The following TUBGCP2 variants were observed in gnomAD, a reference collection of about 807,000 sequenced individuals.
The protein encoded by TUBGCP2 is tubulin gamma complex component 2, also known as gamma-tubulin complex component 2.
A neutral mutation model predicts 92.2 loss-of-function variants in TUBGCP2; 55 were observed. The observed-to-expected ratio is 0.60, with a 90% CI of 0.48 to 0.75. The LOEUF (loss-of-function observed/expected upper bound fraction) is 0.75, where lower values mean the gene tolerates loss of function less well. TUBGCP2 is among the 30% of genes least tolerant of loss of function. TUBGCP2 has a pLI of 0.00. For synonymous variants in TUBGCP2, 533 were observed against 505.2 expected (o/e 1.06, Z -0.74); for missense variants, 1,093 against 1,188.9 (o/e 0.92, Z 1.19).
chr10:133,310,630 C>T (rs1335945824), upstream of TUBGCP2: 4 of 334,406 alleles, frequency 1.2e-5, no homozygotes, highest in Non-Finnish European at 2.3e-5. Context: ...CATCCGCACT[C>T]ACACCCCTCG....
upstream of TUBGCP2, chr10:133,309,861 C>T (rs755955228): frequency 2.5e-6 from 4 of 1,613,846 alleles, no homozygotes; most frequent in South Asian, 3.3e-5. Context: ...CCACACGCTG[C>T]ACGGAAATGT....
rs71016439 is a variant in TUBGCP2, at chr10:133,301,700, C to CTTTTTTTTTTTTTTTTTTTTTTTT, written c.150+1068_150+1091dup. 6 of 87,254 alleles carry CTTTTTTTTTTTTTTTTTTTTTTTT rather than the reference C, an allele frequency of 6.9e-5. 2 individuals carry two copies. Among genetic ancestry groups the CTTTTTTTTTTTTTTTTTTTTTTTT allele is most frequent in the African/African-American group, 3.0e-4 (6 of 19,866 alleles). 5.4% of individuals were successfully genotyped at this position (87,254 alleles called of 1,614,324 possible). ...CAACATGGTTAATACCAGTCCCTCCCTTTTTTTTTTTTTTTTTTTTTTTTT... is the reference window on the plus strand; with the variant it reads ...CAACATGGTTAATACCAGTCCCTCCCTTTTTTTTTTTTTTTTTTTTTTTTTTTTTTTTTTTTTTTTTTTTTTTTT... On this transcript the variant is annotated intron_variant, in intron 2 of 17. Coordinates refer to ENST00000252936, the MANE Select transcript of TUBGCP2 (RefSeq NM_006659.4).
At chr10:133,309,802 C>T (rs1307047357), upstream of TUBGCP2, 3 of 1,613,342 alleles carry the variant, frequency 1.9e-6, no homozygotes, top group Non-Finnish European at 2.5e-6. Flanking sequence ...TGCCAGGTGG[C>T]CGGCTGCTGC....
rs1224304976 is a variant in TUBGCP2, at chr10:133,285,625, C to T, written c.1726G>A (p.Asp576Asn). 6.0e-6 allele frequency: 9 copies of T among 1,509,558 alleles called. No homozygotes were observed. Among genetic ancestry groups the T allele is most frequent in the African/African-American group, 2.8e-5 (2 of 71,598 alleles). The allele number at this position is 1,509,558 out of a possible 1,614,324, so 93.5% of individuals were successfully genotyped here. The change falls in exon 12 of 18, where the codon GAC (aspartate) becomes AAC (asparagine). Residue 576 changes from aspartate (D) to asparagine (N), a missense_variant. Physicochemically the swap from Asp to Asn is conservative, Grantham distance 23. Transcript: ENST00000252936. This position sits in a 1 kb window ranked among gnomAD's most constrained non-coding sequence, Gnocchi z 6.8. ...GTGATGAGGTCATGGGGCATCAGGT[C>T]GATCTTGGAGGGAAGGAAATGAAAC... is the stretch of plus-strand genomic sequence containing the variant. ...TDPFKDDLKI[D>N]LMPHDLITQL... is the part of the protein sequence containing the mutation.
intron 11 of TUBGCP2, 57 bp downstream of exon 11, chr10:133,288,072 C>G: frequency 6.4e-7 from 1 of 1,564,460 alleles, no homozygotes; most frequent in Non-Finnish European, 8.7e-7. Flanking sequence ...CTGTGCTCTC[C>G]TCCCAGCCCC....
At chr10:133,286,115 A>G (rs565307379) in intron 11 of TUBGCP2, among the ~76,000 whole-genome samples, 2 of 152,176 alleles carry the variant, frequency 1.3e-5, no homozygotes, top group Admixed American at 6.5e-5. Flanking sequence ...ACGACAGGAC[A>G]GGAAATGAAG....
Position 133,285,105 on chromosome 10 carries a change from G to C in TUBGCP2, c.2004C>G (p.His668Gln). ...VWISNKTAKQHSLHSAQWFAG... is the reference protein window; with the variant it reads ...VWISNKTAKQQSLHSAQWFAG... ...CGCACCACTGGGCGGAGTGCAGCGA[G>C]TGCTGCTTGGCGGTTTTGTTGCTGA... Residue 668 changes from histidine to glutamine, a missense_variant, in exon 13 of 18, where the codon CAC (histidine) becomes CAG (glutamine). By Grantham distance (24) the His-to-Gln change is conservative. This residue lies in a region of TUBGCP2 where 598 missense variants were observed against 675.5 expected (regional missense o/e 0.89). Coordinates refer to ENST00000252936, the MANE Select transcript of TUBGCP2 (RefSeq NM_006659.4). This position sits in a 1 kb window ranked among gnomAD's most constrained non-coding sequence, Gnocchi z 6.8. The C allele has an allele frequency of 6.2e-7, 1 of 1,609,632 alleles. No homozygotes were observed. Among genetic ancestry groups the C allele is most frequent in the Non-Finnish European group, 8.5e-7 (1 of 1,176,840 alleles).
Position 133,285,748 on chromosome 10 carries a change from T to G in TUBGCP2, c.1723-120A>C, listed in dbSNP as rs1847121539. On this transcript the variant is annotated intron_variant, in intron 11 of 17. Transcript: ENST00000252936. This position sits in a 1 kb window ranked among gnomAD's most constrained non-coding sequence, Gnocchi z 6.8. The stretch of plus-strand genomic sequence containing the variant: ...GACGTAAGGTTCCCTACATTCCGAT[T>G]CTAAATATCAGAGGCTTTTCAAAAA... The G allele has an allele frequency of 4.7e-5, 46 of 978,436 alleles. 1 individual carries two copies. In the South Asian group the frequency reaches 1.3e-3, roughly 27 times the overall value. The allele number at this position is 978,436 out of a possible 1,614,324, so 60.6% of individuals were successfully genotyped here.
chr10:133,303,492 C>T (rs376619229), intron 1 of TUBGCP2, among the ~76,000 whole-genome samples: 10 of 152,234 alleles, frequency 6.6e-5, no homozygotes, highest in Admixed American at 2.6e-4. Context: ...CTCTGCTGCT[C>T]GCCTCGGCTT....
chr10:133,306,191 A>C (rs72864797), intron 1 of TUBGCP2, among the ~76,000 whole-genome samples: 2,905 of 152,284 alleles, frequency 0.019, 32 homozygotes, highest in Non-Finnish European at 0.026. Flanking sequence ...ATCTTAAACT[A>C]CCAGATGCTT....
At position 133,294,098 on chromosome 10, in the gene TUBGCP2, A is replaced by G. The variant is rs369692232; in HGVS notation, c.617-329T>C. On this transcript the variant is annotated intron_variant, in intron 5 of 17. Coordinates refer to ENST00000252936, the MANE Select transcript of TUBGCP2 (RefSeq NM_006659.4). ...CTCCAGCAGAAGCTGCACTTTCAAC[A>G]TTGGTAAGTACAACTTGGTAAGTCT... Among the ~76,000 whole-genome samples, 9 of 152,396 alleles carry G rather than the reference A, an allele frequency of 5.9e-5. No individual in the cohort carries two copies. The South Asian group carries it at 1.9e-3, about 32-fold the overall frequency.
At chr10:133,310,289 G>A (rs773215223), upstream of TUBGCP2, 1 of 1,613,876 alleles carries the variant, frequency 6.2e-7, no homozygotes. Context: ...AAAGCAGAAG[G>A]TAGGGAGCCG....
At chr10:133,310,369 C>G (rs1847963704), upstream of TUBGCP2, 1 of 1,567,018 alleles carries the variant, frequency 6.4e-7, no homozygotes, top group East Asian at 2.2e-5. Flanking sequence ...CATAGACGGT[C>G]AGACTTATTA....
upstream of TUBGCP2, chr10:133,311,531 C>T (rs866862601): frequency 1.0e-5 from 6 of 582,148 alleles, 1 homozygote; most frequent in South Asian, 4.4e-5. Context: ...AAACAATGGC[C>T]TTGCTGTAAT....
chr10:133,296,776 G>GGGAA (rs1847497663), intron 5 of TUBGCP2, among the ~76,000 whole-genome samples: 1 of 152,098 alleles, frequency 6.6e-6, no homozygotes, highest in African/African-American at 2.4e-5. Context: ...ATGCCTGGCC[G>GGGAA]AAGTAGACTG....
chr10:133,308,896 G>A (rs1485218961), upstream of TUBGCP2: 1 of 1,204,006 alleles, frequency 8.3e-7, no homozygotes. Flanking sequence ...CGTCCGGCTC[G>A]GCTCGCGGAC....
Position 133,285,274 on chromosome 10 carries a change from G to T in TUBGCP2, c.1896-61C>A. 3.1e-6 allele frequency: 5 copies of T among 1,605,006 alleles called. No individual in the cohort carries two copies. The highest frequency in any genetic ancestry group is 3.4e-6 in the Non-Finnish European group (4 of 1,179,204). ...CGTGACCGGCGGCGTCGTGGACACG[G>T]CGTCTGTACTCCACAGTCCGCACCG... On this transcript the variant is annotated intron_variant, in intron 12 of 17. Transcript: ENST00000252936. This position sits in a 1 kb window ranked among gnomAD's most constrained non-coding sequence, Gnocchi z 6.8.
rs1481278387 is a variant in TUBGCP2 at position 133,279,484 on chromosome 10, C to T, written c.*282G>A. Reference sequence around the variant, plus strand: ...CATCTTTGCTTGCTCCTGGCTTAAACACCATGTATTTCCACTTTGAGGCCA... The same window carrying T: ...CATCTTTGCTTGCTCCTGGCTTAAATACCATGTATTTCCACTTTGAGGCCA... On this transcript the variant is annotated 3_prime_UTR_variant, in exon 18 of 18. Coordinates refer to ENST00000252936, the MANE Select transcript of TUBGCP2 (RefSeq NM_006659.4). 4.4e-6 allele frequency: 2 copies of T among 454,044 alleles called. No homozygotes were observed. Among genetic ancestry groups the T allele is most frequent in the East Asian group, 8.7e-5 (2 of 22,958 alleles). 28.1% of individuals were successfully genotyped at this position (454,044 alleles called of 1,614,324 possible).
At position 133,285,217 on chromosome 10, in the gene TUBGCP2, C is replaced by A; in HGVS notation, c.1896-4G>T. On this transcript the variant is annotated splice_region_variant and splice_polypyrimidine_tract_variant and intron_variant, in intron 12 of 17. Transcript: ENST00000252936. This position sits in a 1 kb window ranked among gnomAD's most constrained non-coding sequence, Gnocchi z 6.8. ...CTGGTAGCGAGTGAGGGCTTTCCTG[C>A]AAGAGACGTGGCGGCACCTCAGGTG... 1 of 1,611,808 alleles carries A rather than the reference C, an allele frequency of 6.2e-7. No homozygotes were observed. The highest frequency in any genetic ancestry group is 1.1e-5 in the South Asian group (1 of 91,064).
Sources: allele counts gnomAD v4.1 joint callset (sites outside exome capture counted in the v4.1 genomes callset), GRCh38; gene constraint gnomAD v4.1.1; regional missense constraint gnomAD v4.1.1; non-coding constraint Gnocchi (gnomAD v3.1); transcripts MANE v1.5; gene names NCBI Gene and HGNC (gene_info 2026-07-23, HGNC 2026-07-21).